The following MACC1 variants were observed in gnomAD, a reference collection of about 807,000 sequenced individuals.
The protein encoded by MACC1 is MET transcriptional regulator MACC1.
MACC1 carries 79 observed loss-of-function variants against 70.7 expected under a neutral mutation model. The ratio of observed to expected loss-of-function variants is 1.12; its 90% CI spans 0.93 to 1.35. The LOEUF is 1.35. Among genes scored for constraint, MACC1 ranks in the 40% most tolerant of loss-of-function variants. The pLI is 0.00. For missense variants in MACC1, 1,106 were observed against 978.1 expected (o/e 1.13, Z -1.74); for synonymous variants, 361 against 347.2 (o/e 1.04, Z -0.44).
chr7:20,143,789 T>C (rs1325143235), intron 6 of MACC1, among the ~76,000 whole-genome samples: 1 of 152,128 alleles, frequency 6.6e-6, no homozygotes, highest in African/African-American at 2.4e-5. Flanking sequence ...TAATTAAGAT[T>C]TTTGAAGGTG....
chr7:20,187,067 A>G (rs1419242464), intron 1 of MACC1, among the ~76,000 whole-genome samples: 1 of 152,184 alleles, frequency 6.6e-6, no homozygotes, highest in Non-Finnish European at 1.5e-5. Context: ...TTTACAGTGG[A>G]CTTATTGGGA....
At chr7:20,178,529 T>G (rs184166399) in intron 1 of MACC1, among the ~76,000 whole-genome samples, 1 of 152,350 alleles carries the variant, frequency 6.6e-6, no homozygotes, top group African/African-American at 2.4e-5. Flanking sequence ...TCTGTTAAAT[T>G]TTAAAGAACT....
At chr7:20,200,618 G>A (rs953866524) in intron 1 of MACC1, among the ~76,000 whole-genome samples, 4 of 152,234 alleles carry the variant, frequency 2.6e-5, no homozygotes, top group African/African-American at 9.6e-5. Context: ...GAAGGGGGAT[G>A]AAGTAATGCA....
chr7:20,205,988 T>C (rs1782905808), intron 1 of MACC1, among the ~76,000 whole-genome samples: 1 of 152,096 alleles, frequency 6.6e-6, no homozygotes, highest in Non-Finnish European at 1.5e-5. Flanking sequence ...TCCTTAGTTC[T>C]GCCTTTTGGG....
intron 1 of MACC1, among the ~76,000 whole-genome samples, chr7:20,192,643 T>C (rs1399346441): frequency 2.6e-5 from 4 of 152,214 alleles, no homozygotes; most frequent in South Asian, 4.1e-4. Flanking sequence ...AGCCACCAAA[T>C]TGTGAAATAT....
At chr7:20,153,572 C>T (rs1782012028) in intron 6 of MACC1, 2 of 152,084 alleles carry the variant, frequency 1.3e-5, no homozygotes, top group Admixed American at 6.6e-5. Flanking sequence ...TTAACTTGTG[C>T]CTAACAGCAT....
intron 6 of MACC1, among the ~76,000 whole-genome samples, chr7:20,141,385 G>C (rs1015827518): frequency 6.6e-6 from 1 of 152,050 alleles, no homozygotes; most frequent in African/African-American, 2.4e-5. Flanking sequence ...ACTACAAATA[G>C]GGCCTTTTTT....
intron 1 of MACC1, among the ~76,000 whole-genome samples, chr7:20,177,484 A>T (rs529288097): frequency 6.6e-6 from 1 of 152,100 alleles, no homozygotes; most frequent in Non-Finnish European, 1.5e-5. Flanking sequence ...CTGTTAAACC[A>T]TATAAGTATG....
intron 1 of MACC1, among the ~76,000 whole-genome samples, chr7:20,197,317 A>G (rs951963891): frequency 6.6e-6 from 1 of 152,032 alleles, no homozygotes; most frequent in African/African-American, 2.4e-5. Context: ...TTCTTTTCAG[A>G]TTTCCTTTCA....
intron 1 of MACC1, among the ~76,000 whole-genome samples, chr7:20,173,818 T>C (rs1051405354): frequency 6.6e-6 from 1 of 152,172 alleles, no homozygotes; most frequent in Admixed American, 6.5e-5. Flanking sequence ...GTCACTGAGA[T>C]TGATGCTCTT....
chr7:20,158,229 C>A lies in MACC1; in HGVS notation c.2132G>T (p.Arg711Met). The A allele has an allele frequency of 6.3e-7, 1 of 1,587,708 alleles. No individual in the cohort carries two copies. Among genetic ancestry groups the A allele is most frequent in the Non-Finnish European group, 8.5e-7 (1 of 1,171,898 alleles). The change falls in exon 5 of 7, where the codon AGG becomes ATG. Residue 711 changes from arginine to methionine, a missense_variant. By Grantham distance (91) the Arg-to-Met change is moderately conservative. Coordinates refer to ENST00000400331, the MANE Select transcript of MACC1 (RefSeq NM_182762.4). Reference sequence around the variant, plus strand: ...CACAATAAGTTCATACAGAAACTTCCTTGTATTTCTCTCTGTGTGGCAATC... The same window carrying A: ...CACAATAAGTTCATACAGAAACTTCATTGTATTTCTCTCTGTGTGGCAATC... Reference protein sequence around the residue: ...KEDCHTERNTRKFLYELIVAL... With the variant: ...KEDCHTERNTMKFLYELIVAL...
At chr7:20,172,068 G>A (rs1282355348) in intron 1 of MACC1, among the ~76,000 whole-genome samples, 2 of 152,100 alleles carry the variant, frequency 1.3e-5, no homozygotes, top group Non-Finnish European at 2.9e-5. Flanking sequence ...ATACTGAGAG[G>A]TATGCATTGT....
chr7:20,150,120 C>A (rs1781953444), intron 6 of MACC1, among the ~76,000 whole-genome samples: 1 of 152,174 alleles, frequency 6.6e-6, no homozygotes, highest in African/African-American at 2.4e-5. Flanking sequence ...TTAACATTGT[C>A]ATCTAGTCCT....
chr7:20,143,538 G>A (rs1000177533), intron 6 of MACC1, among the ~76,000 whole-genome samples: 8 of 152,054 alleles, frequency 5.3e-5, no homozygotes, highest in African/African-American at 1.7e-4. Flanking sequence ...ACAGGCACGC[G>A]CCACCACGCC....
At position 20,147,086 on chromosome 7, in the gene MACC1, T is replaced by C. The variant is rs192913847; in HGVS notation, c.2347-5928A>G. On this transcript the variant is annotated intron_variant, in intron 6 of 6. Coordinates refer to ENST00000400331, the MANE Select transcript of MACC1 (RefSeq NM_182762.4). Reference sequence around the variant, plus strand: ...GAAGAAGTGTGTCTTAGGTTATCTTTTCAGTGTTATAGGACAAAATAAAAA... The same window carrying C: ...GAAGAAGTGTGTCTTAGGTTATCTTCTCAGTGTTATAGGACAAAATAAAAA... 2.4e-4 allele frequency among the ~76,000 whole-genome samples: 36 copies of C among 152,318 alleles called. 1 individual carries two copies. Among genetic ancestry groups the C allele is most frequent in the African/African-American group, 7.9e-4 (33 of 41,564 alleles).
intron 1 of MACC1, among the ~76,000 whole-genome samples, chr7:20,192,856 C>T (rs1233963944): frequency 1.3e-5 from 2 of 152,178 alleles, no homozygotes; most frequent in South Asian, 2.1e-4. Flanking sequence ...GGATGAAGTA[C>T]TCATCCCGTA....
chr7:20,208,359 A>G (rs1782945060), intron 1 of MACC1, among the ~76,000 whole-genome samples: 1 of 152,230 alleles, frequency 6.6e-6, no homozygotes, highest in African/African-American at 2.4e-5. Flanking sequence ...AACGTCTTAG[A>G]GACTTGCTGA....
Position 20,136,498 on chromosome 7 carries a change from T to C in MACC1, c.*4448A>G, listed in dbSNP as rs536887362. 2 of 152,222 alleles carry C rather than the reference T, an allele frequency of 1.3e-5. No individual in the cohort carries two copies. Among genetic ancestry groups the C allele is most frequent in the Admixed American group, 6.5e-5 (1 of 15,284 alleles). 9.4% of individuals were successfully genotyped at this position (152,222 alleles called of 1,614,324 possible). The stretch of plus-strand genomic sequence containing the variant: ...ATGCAAAAGATACACATTTCTACAA[T>C]GTTCAGTGAAATCTTGATGCTGAAC... On this transcript the variant is annotated 3_prime_UTR_variant, in exon 7 of 7. Coordinates refer to ENST00000400331, the MANE Select transcript of MACC1 (RefSeq NM_182762.4).
chr7:20,168,948 A>G (rs545736364), intron 2 of MACC1, among the ~76,000 whole-genome samples: 2 of 152,336 alleles, frequency 1.3e-5, no homozygotes, highest in African/African-American at 4.8e-5. Flanking sequence ...TGAGATGAGT[A>G]AATTTGAGAT....
Sources: allele counts gnomAD v4.1 joint callset (sites outside exome capture counted in the v4.1 genomes callset), GRCh38; gene constraint gnomAD v4.1.1; transcripts MANE v1.5; gene names NCBI Gene and HGNC (gene_info 2026-07-23, HGNC 2026-07-21).